The following PDE8A variants were observed in gnomAD, a reference collection of about 807,000 sequenced individuals.
The protein encoded by PDE8A is high affinity cAMP-specific and IBMX-insensitive 3',5'-cyclic phosphodiesterase 8A.
A neutral mutation model predicts 105.0 loss-of-function variants in PDE8A; 59 were observed. That is an observed-to-expected ratio of 0.56 (90% CI 0.46 to 0.70). The LOEUF (loss-of-function observed/expected upper bound fraction) is 0.70, where lower values mean the gene tolerates loss of function less well. Among genes scored for constraint, PDE8A ranks in the 30% least tolerant of loss-of-function variants. PDE8A has a pLI of 0.00. For synonymous variants in PDE8A, 355 were observed against 371.9 expected, an observed-to-expected ratio of 0.95 and a Z score of 0.52; for missense variants, 1,014 against 1,045.9, an observed-to-expected ratio of 0.97 and a Z score of 0.42.
chr15:85,109,687 C>T (rs2081994695), intron 12 of PDE8A, among the ~76,000 whole-genome samples: 3 of 152,046 alleles, frequency 2.0e-5, no homozygotes, highest in Non-Finnish European at 2.9e-5. Context: ...TTCTTTGGCC[C>T]AAAAATGAAT....
Position 84,981,973 on chromosome 15 carries a change from G to C in PDE8A, c.-190G>C, listed in dbSNP as rs917303159. On this transcript the variant is annotated 5_prime_UTR_variant, in exon 1 of 22. Coordinates refer to ENST00000394553, the MANE Select transcript of PDE8A (RefSeq NM_002605.3). ...GCCTAAGCGCCCCCTTCCCACCGCA[G>C]CCGCCGCCGCCGCAGCGCCCGCACC... 1.6e-5 allele frequency: 4 copies of C among 252,778 alleles called. No individual in the cohort carries two copies. The highest frequency in any genetic ancestry group is 3.0e-5 in the Non-Finnish European group (4 of 135,060). 15.7% of individuals were successfully genotyped at this position (252,778 alleles called of 1,614,324 possible). A position where few individuals can be genotyped will look rare whatever the true frequency, so the allele number is the denominator to read the frequency against.
At chr15:84,988,598 G>C (rs1228021157) in intron 1 of PDE8A, among the ~76,000 whole-genome samples, 1 of 152,156 alleles carries the variant, frequency 6.6e-6, no homozygotes, top group Non-Finnish European at 1.5e-5. Context: ...GCCCTACCAA[G>C]AGTTCCCCAG....
intron 1 of PDE8A, among the ~76,000 whole-genome samples, chr15:85,044,434 T>G (rs1253992439): frequency 1.3e-5 from 2 of 152,194 alleles, no homozygotes; most frequent in Non-Finnish European, 2.9e-5. Context: ...CTGAGAACTT[T>G]GCCTCAAGAG....
intron 20 of PDE8A, among the ~76,000 whole-genome samples, chr15:85,132,283 A>C (rs1423146954): frequency 6.6e-6 from 1 of 152,054 alleles, no homozygotes; most frequent in Non-Finnish European, 1.5e-5. Flanking sequence ...TTCTTCAAAT[A>C]ATCTCTGTCC....
At chr15:85,090,888 A>T (rs1339866952) in intron 7 of PDE8A, 156 bp from the exon 8 acceptor site, 1 of 690,604 alleles carries the variant, frequency 1.4e-6, no homozygotes, top group Non-Finnish European at 2.6e-6. Flanking sequence ...TTCGTGGGTT[A>T]TGTGCTTATG....
rs1158745942 is a variant in PDE8A, at chr15:85,138,232, G to A, written c.*329G>A. The A allele has an allele frequency of 1.8e-5, 4 of 220,606 alleles. No homozygotes were observed. Among genetic ancestry groups the A allele is most frequent in the African/African-American group, 9.0e-5 (4 of 44,244 alleles). The allele number at this position is 220,606 out of a possible 1,614,324, so 13.7% of individuals were successfully genotyped here. ...ATTGATGGACTTCCTGCCAGTGACA[G>A]AGCATGTCTATTGCAAACAATTCTC... On this transcript the variant is annotated 3_prime_UTR_variant, in exon 22 of 22. Transcript: ENST00000394553.
At chr15:85,115,538 C>A in intron 15 of PDE8A, 51 bp downstream of exon 15, 2 of 884,328 alleles carry the variant, frequency 2.3e-6, no homozygotes, top group South Asian at 3.5e-5. Flanking sequence ...ATACTGCAGT[C>A]TAGCTTAAGT....
At chr15:85,114,669 C>A (rs1596532980) in intron 14 of PDE8A, among the ~76,000 whole-genome samples, 1 of 152,286 alleles carries the variant, frequency 6.6e-6, no homozygotes, top group African/African-American at 2.4e-5. Flanking sequence ...AAATCCACCT[C>A]CCTCCCAATT....
intron 3 of PDE8A, among the ~76,000 whole-genome samples, chr15:85,071,510 C>T (rs1186563642): frequency 6.6e-6 from 1 of 152,244 alleles, no homozygotes; most frequent in Non-Finnish European, 1.5e-5. Flanking sequence ...CAGTTCTCCA[C>T]ATACTGCAGT....
At chr15:85,004,161 T>G (rs2080109120) in intron 1 of PDE8A, among the ~76,000 whole-genome samples, 1 of 152,228 alleles carries the variant, frequency 6.6e-6, no homozygotes, top group Non-Finnish European at 1.5e-5. Flanking sequence ...GCTTCTTTGG[T>G]AACATTTGTT....
chr15:85,041,391 C>G (rs773148370), intron 1 of PDE8A, among the ~76,000 whole-genome samples: 10 of 152,208 alleles, frequency 6.6e-5, no homozygotes, highest in Non-Finnish European at 1.3e-4. Flanking sequence ...TGCCTGCTCT[C>G]TCGTGACCTG....
At chr15:85,000,330 CAG>C (rs1435836854) in intron 1 of PDE8A, among the ~76,000 whole-genome samples, 1 of 152,100 alleles carries the variant, frequency 6.6e-6, no homozygotes. Flanking sequence ...GAAAAATAAA[CAG>C]GGGTGCACTG....
chr15:85,029,393 A>T (rs2080574634), intron 1 of PDE8A, among the ~76,000 whole-genome samples: 1 of 145,790 alleles, frequency 6.9e-6, no homozygotes, highest in Non-Finnish European at 1.5e-5. Flanking sequence ...AGACCCCTTC[A>T]GATCTGTTTT....
chr15:84,981,222 A>C (rs530524357), upstream of PDE8A, among the ~76,000 whole-genome samples: 6 of 152,294 alleles, frequency 3.9e-5, no homozygotes, highest in African/African-American at 1.2e-4. Flanking sequence ...TGGGTAGCCC[A>C]GTCGGGCGCC....
At chr15:85,103,526 G>T (rs1344137675) in intron 11 of PDE8A, among the ~76,000 whole-genome samples, 1 of 152,220 alleles carries the variant, frequency 6.6e-6, no homozygotes, top group East Asian at 1.9e-4. Context: ...AGCTGTTATA[G>T]GCCATGGGCC....
At chr15:85,017,654 A>T (rs1436315101) in intron 1 of PDE8A, among the ~76,000 whole-genome samples, 1 of 152,146 alleles carries the variant, frequency 6.6e-6, no homozygotes, top group African/African-American at 2.4e-5. Flanking sequence ...TGGGAGGCTG[A>T]GGCGGGTGGA....
At chr15:84,988,558 C>T (rs1250709831) in intron 1 of PDE8A, among the ~76,000 whole-genome samples, 1 of 152,088 alleles carries the variant, frequency 6.6e-6, no homozygotes, top group Non-Finnish European at 1.5e-5. Flanking sequence ...TTTCCTTTCC[C>T]CTTTCTCCTG....
At chr15:85,070,335 A>T (rs1236237462) in intron 3 of PDE8A, among the ~76,000 whole-genome samples, 1 of 152,210 alleles carries the variant, frequency 6.6e-6, no homozygotes, top group Non-Finnish European at 1.5e-5. Context: ...CTACGTTGTA[A>T]GTCTCCTCAG....
Position 85,067,130 on chromosome 15 carries a change from C to A in PDE8A, c.360C>A (p.Phe120Leu), listed in dbSNP as rs1245865869. 1.2e-6 allele frequency: 2 copies of A among 1,614,008 alleles called. No individual in the cohort carries two copies. Among genetic ancestry groups the A allele is most frequent in the Non-Finnish European group, 1.7e-6 (2 of 1,179,930 alleles). The change falls in exon 3 of 22, where the codon TTC becomes TTA. Residue 120 changes from phenylalanine to leucine, a missense_variant. Coordinates refer to ENST00000394553, the MANE Select transcript of PDE8A (RefSeq NM_002605.3). ...TKEAQAVLAC[F>L]LDKHHDIIII... ...AGGCTCAGGCTGTCCTTGCCTGTTTCCTGGACAAACATCATGACATTATCA... is the reference window on the plus strand; with the variant it reads ...AGGCTCAGGCTGTCCTTGCCTGTTTACTGGACAAACATCATGACATTATCA...
Sources: allele counts gnomAD v4.1 joint callset (sites outside exome capture counted in the v4.1 genomes callset), GRCh38; gene constraint gnomAD v4.1.1; transcripts MANE v1.5; gene names NCBI Gene and HGNC (gene_info 2026-07-23, HGNC 2026-07-21).